Variants in CORO2B observed in about 807,000 individuals in gnomAD.
CORO2B encodes coronin 2B.
Under a neutral mutation model 58.8 loss-of-function variants are expected in CORO2B, and 26 were observed. That is an observed-to-expected ratio of 0.44 (90% confidence interval 0.32 to 0.61). The LOEUF (loss-of-function observed/expected upper bound fraction) is 0.61, where lower values mean the gene tolerates loss of function less well. Among genes scored for constraint, CORO2B ranks in the 20% least tolerant of loss-of-function variants. CORO2B has a pLI of 0.04. For synonymous variants in CORO2B, 242 were observed against 253.8 expected (o/e 0.95, Z 0.44); for missense variants, 460 against 645.1 (o/e 0.71, Z 3.11).
chr15:68,625,454 C>A (rs1900649956), intron 1 of CORO2B, among the ~76,000 whole-genome samples: 1 of 152,142 alleles, frequency 6.6e-6, no homozygotes, highest in African/African-American at 2.4e-5. Context: ...GTCAGGCCCT[C>A]CTCCCACCCC....
At chr15:68,610,587 C>T (rs911795189) in intron 1 of CORO2B, among the ~76,000 whole-genome samples, 5 of 152,246 alleles carry the variant, frequency 3.3e-5, no homozygotes, top group African/African-American at 7.2e-5. Flanking sequence ...GCATCCTGCG[C>T]GTTTAAATTT....
chr15:68,610,610 T>A (rs1595966823), intron 1 of CORO2B, among the ~76,000 whole-genome samples: 1 of 152,298 alleles, frequency 6.6e-6, no homozygotes, highest in East Asian at 1.9e-4. Context: ...AGAAACCTAG[T>A]CCCAGACTAG....
rs138335896 is a variant in CORO2B, at chr15:68,612,380, G to A, written c.16-32780G>A. 7.9e-4 allele frequency among the ~76,000 whole-genome samples: 121 copies of A among 152,322 alleles called. 1 individual carries two copies. In the South Asian group the frequency reaches 0.013, roughly 16 times the overall value. ...ACTGCATTTATGTGTGAGAGGAGGTGTGCGTGAGAAGGGGCAGAGAAAGGA... is the reference window on the plus strand; with the variant it reads ...ACTGCATTTATGTGTGAGAGGAGGTATGCGTGAGAAGGGGCAGAGAAAGGA... On this transcript the variant is annotated intron_variant, in intron 1 of 11. Coordinates refer to ENST00000261861, the MANE Select transcript of CORO2B (RefSeq NM_006091.5).
chr15:68,646,035 A>G (rs1377706048), intron 2 of CORO2B, among the ~76,000 whole-genome samples: 1 of 151,948 alleles, frequency 6.6e-6, no homozygotes, highest in East Asian at 1.9e-4. Context: ...TGGCCTCCCA[A>G]AGTGCTGGGA....
chr15:68,548,938 C>A, the CORO2B span, among the ~76,000 whole-genome samples: 5 of 151,978 alleles, frequency 3.3e-5, no homozygotes, highest in Non-Finnish European at 7.4e-5. Context: ...TATCACAGTC[C>A]CTTGTTGATT....
the CORO2B span, among the ~76,000 whole-genome samples, chr15:68,519,052 G>A: frequency 4.6e-5 from 7 of 152,308 alleles, no homozygotes; most frequent in East Asian, 1.9e-4. Context: ...TCACACTCAG[G>A]AGCCCCTGAC....
the CORO2B span, among the ~76,000 whole-genome samples, chr15:68,562,008 C>T: frequency 1.0e-3 from 159 of 152,280 alleles, no homozygotes; most frequent in African/African-American, 3.7e-3. Context: ...CCCTTCTCTA[C>T]CCTAAAGGCA....
rs560233315 is a variant in CORO2B at position 68,711,651 on chromosome 15, C to A, written c.593C>A (p.Thr198Lys). 1.9e-6 allele frequency: 3 copies of A among 1,614,082 alleles called. No individual in the cohort carries two copies. Among genetic ancestry groups the A allele is most frequent in the Non-Finnish European group, 8.5e-7 (1 of 1,179,978 alleles). The change falls in exon 5 of 12, where the codon ACG (threonine) becomes AAG (lysine). Residue 198 changes from threonine to lysine, a missense_variant. By Grantham distance (78) the Thr-to-Lys change is moderately conservative. Transcript: ENST00000261861. ...ACGGACGGCAGCCTGCTCACCACCA[C>A]GTGCAAGGACAAGAAGCTGCGTGTG... is the stretch of plus-strand genomic sequence containing the variant. ...FNTDGSLLTTTCKDKKLRVIE... is the reference protein window; with the variant it reads ...FNTDGSLLTTKCKDKKLRVIE...
At chr15:68,717,517 T>C (rs762506476) in intron 8 of CORO2B, among the ~76,000 whole-genome samples, 50 of 152,284 alleles carry the variant, frequency 3.3e-4, no homozygotes, top group Middle Eastern at 3.4e-3. Context: ...GTATCGGATA[T>C]GGAGGGGTGG....
At chr15:68,642,414 C>T (rs191947756) in intron 1 of CORO2B, among the ~76,000 whole-genome samples, 2 of 152,248 alleles carry the variant, frequency 1.3e-5, no homozygotes, top group Admixed American at 1.3e-4. Flanking sequence ...AGGCCTTGTG[C>T]AGACCATCCC....
chr15:68,544,984 C>T, the CORO2B span, among the ~76,000 whole-genome samples: 1 of 152,224 alleles, frequency 6.6e-6, no homozygotes, highest in South Asian at 2.1e-4. Context: ...ACCGTGTTAG[C>T]CAGGATGGTC....
intron 1 of CORO2B, among the ~76,000 whole-genome samples, chr15:68,593,338 G>A (rs1364110698): frequency 6.6e-6 from 1 of 152,184 alleles, no homozygotes; most frequent in Non-Finnish European, 1.5e-5. Flanking sequence ...TTTTGAAAAA[G>A]GGGACCTGCA....
At chr15:68,692,760 A>G (rs1471962625) in intron 2 of CORO2B, among the ~76,000 whole-genome samples, 2 of 150,724 alleles carry the variant, frequency 1.3e-5, no homozygotes, top group African/African-American at 4.9e-5. Context: ...CAGCCTCCCA[A>G]GTAGCTGGGA....
At chr15:68,598,407 C>T (rs1268434153) in intron 1 of CORO2B, among the ~76,000 whole-genome samples, 2 of 152,318 alleles carry the variant, frequency 1.3e-5, no homozygotes, top group East Asian at 3.9e-4. Flanking sequence ...CTCTATTTTG[C>T]GTGGTCAGTG....
chr15:68,608,891 C>T (rs898275459), intron 1 of CORO2B, among the ~76,000 whole-genome samples: 2 of 152,282 alleles, frequency 1.3e-5, no homozygotes, highest in East Asian at 3.9e-4. Flanking sequence ...AGCCTCCATC[C>T]ATCCGTTCAA....
chr15:68,521,969 G>A, the CORO2B span, among the ~76,000 whole-genome samples: 24 of 152,020 alleles, frequency 1.6e-4, no homozygotes, highest in African/African-American at 5.1e-4. Flanking sequence ...CACCACACCC[G>A]GCTAATTTGT....
chr15:68,653,872 A>C (rs78926098), intron 2 of CORO2B, among the ~76,000 whole-genome samples: 2 of 152,110 alleles, frequency 1.3e-5, no homozygotes, highest in East Asian at 3.9e-4. Context: ...AAAAAAAAAA[A>C]ATGCCTGAAT....
the CORO2B span, among the ~76,000 whole-genome samples, chr15:68,542,461 T>C: frequency 6.6e-6 from 1 of 152,268 alleles, no homozygotes; most frequent in African/African-American, 2.4e-5. Context: ...GAATACTGCA[T>C]CTTTTCATTG....
At chr15:68,629,785 C>T (rs1040386405) in intron 1 of CORO2B, among the ~76,000 whole-genome samples, 11 of 123,660 alleles carry the variant, frequency 8.9e-5, no homozygotes, top group African/African-American at 2.8e-4. Context: ...GGACCCAACT[C>T]GCTGTGGAGT....
Sources: gnomAD v4.1 joint callset for allele counts (sites outside exome capture counted in the v4.1 genomes callset) on GRCh38, gnomAD v4.1.1 for gene constraint, MANE v1.5 for transcripts, NCBI Gene and HGNC (gene_info 2026-07-23, HGNC 2026-07-21) for gene names.